The following CTNNA3 variants were observed in gnomAD, a reference collection of about 807,000 sequenced individuals.
CTNNA3 encodes the protein catenin alpha-3.
A neutral mutation model predicts 95.7 loss-of-function variants in CTNNA3; 76 were observed. The observed-to-expected ratio is 0.79, with a 90% CI of 0.66 to 0.96. The LOEUF is 0.96. Ranked by LOEUF, CTNNA3 falls within the 40% of genes least tolerant of loss-of-function variation. The probability of loss-of-function intolerance (pLI) is 0.00; values close to 1 mark genes in which losing one functional copy is unlikely to be tolerated. For missense variants in CTNNA3, 1,191 were observed against 1,089.8 expected (o/e 1.09, Z -1.31); for synonymous variants, 431 against 374.4 (o/e 1.15, Z -1.74).
intron 15 of CTNNA3, among the ~76,000 whole-genome samples, chr10:66,038,618 A>T (rs2079616608): frequency 6.6e-6 from 1 of 152,240 alleles, no homozygotes; most frequent in Non-Finnish European, 1.5e-5. Flanking sequence ...CATAAGAATT[A>T]AATTAAGTAA....
chr10:67,731,800 C>CAAA (rs199645393), intron 1 of CTNNA3, among the ~76,000 whole-genome samples: 9 of 103,564 alleles, frequency 8.7e-5, no homozygotes, highest in South Asian at 6.4e-4. Context: ...GACTCCGTCT[C>CAAA]AAAAAAAAAA....
chr10:67,044,300 T>C (rs922684222), intron 7 of CTNNA3, among the ~76,000 whole-genome samples: 1 of 152,120 alleles, frequency 6.6e-6, no homozygotes, highest in Non-Finnish European at 1.5e-5. Context: ...ATTTAACAAT[T>C]TAACGAGGGG....
chr10:66,496,610 G>C (rs1011911258), intron 11 of CTNNA3, among the ~76,000 whole-genome samples: 1 of 152,144 alleles, frequency 6.6e-6, no homozygotes, highest in Non-Finnish European at 1.5e-5. Flanking sequence ...TAGCATGGTT[G>C]CTATTTATTT....
intron 7 of CTNNA3, among the ~76,000 whole-genome samples, chr10:67,129,212 T>G (rs1161050262): frequency 6.6e-6 from 1 of 152,156 alleles, no homozygotes; most frequent in Non-Finnish European, 1.5e-5. Flanking sequence ...ATAAAAAATT[T>G]TCAGATTTTT....
At chr10:67,047,947 C>T (rs889329928) in intron 7 of CTNNA3, among the ~76,000 whole-genome samples, 3 of 152,000 alleles carry the variant, frequency 2.0e-5, no homozygotes, top group African/African-American at 7.2e-5. Context: ...AGCAGATAAG[C>T]TTTCTGAAGT....
intron 1 of CTNNA3, among the ~76,000 whole-genome samples, chr10:67,689,820 C>A (rs528287759): frequency 6.6e-6 from 1 of 152,102 alleles, no homozygotes; most frequent in East Asian, 1.9e-4. Flanking sequence ...TTTAGTCCAG[C>A]GGCCGCGCTA....
intron 13 of CTNNA3, among the ~76,000 whole-genome samples, chr10:66,202,014 T>G: frequency 6.6e-6 from 1 of 152,106 alleles, no homozygotes; most frequent in East Asian, 1.9e-4. Context: ...CTTGAACTCC[T>G]GACCTCAGGT....
chr10:66,428,782 A>C (rs1173160830), intron 11 of CTNNA3, among the ~76,000 whole-genome samples: 1 of 152,116 alleles, frequency 6.6e-6, no homozygotes, highest in Non-Finnish European at 1.5e-5. Flanking sequence ...ATAGCACTAA[A>C]TGCCCACAAG....
intron 9 of CTNNA3, among the ~76,000 whole-genome samples, chr10:66,746,290 G>C (rs1156585572): frequency 6.6e-6 from 1 of 151,960 alleles, no homozygotes; most frequent in Admixed American, 6.6e-5. Flanking sequence ...AGGTATAATA[G>C]AAAACAAAAG....
At chr10:67,530,080 G>A (rs1840280309) in intron 4 of CTNNA3, among the ~76,000 whole-genome samples, 1 of 152,184 alleles carries the variant, frequency 6.6e-6, no homozygotes, top group African/African-American at 2.4e-5. Context: ...TCCCCAGCAA[G>A]GTGGAACTGT....
At chr10:66,855,456 C>T (rs1843653678) in intron 7 of CTNNA3, among the ~76,000 whole-genome samples, 2 of 151,896 alleles carry the variant, frequency 1.3e-5, no homozygotes, top group Admixed American at 1.3e-4. Flanking sequence ...ATGATCATAA[C>T]TTGAGTTATT....
intron 6 of CTNNA3, among the ~76,000 whole-genome samples, chr10:67,217,469 A>T (rs184000601): frequency 1.1e-4 from 17 of 152,292 alleles, no homozygotes; most frequent in Admixed American, 7.8e-4. Context: ...CCTCATTAGG[A>T]TCTCAGAGAA....
chr10:66,934,215 C>T (rs2132652941), intron 7 of CTNNA3, among the ~76,000 whole-genome samples: 1 of 152,200 alleles, frequency 6.6e-6, no homozygotes, highest in Non-Finnish European at 1.5e-5. Flanking sequence ...CTTATCCTTT[C>T]CAGCAAATGT....
intron 9 of CTNNA3, among the ~76,000 whole-genome samples, chr10:66,748,182 C>T (rs530601012): frequency 6.9e-4 from 105 of 152,230 alleles, no homozygotes; most frequent in African/African-American, 2.5e-3. Context: ...TTACAAAAAA[C>T]GTTCGAATCT....
intron 15 of CTNNA3, among the ~76,000 whole-genome samples, chr10:66,018,404 C>T (rs545093447): frequency 3.3e-5 from 5 of 152,100 alleles, no homozygotes; most frequent in African/African-American, 1.2e-4. Flanking sequence ...AATGTGAAAG[C>T]ATTGTAAATT....
chr10:67,052,556 G>C (rs1163419137), intron 7 of CTNNA3: 4 of 152,134 alleles, frequency 2.6e-5, no homozygotes, highest in Non-Finnish European at 4.4e-5. Context: ...ATAAACATTT[G>C]TATTTCTTAT....
At chr10:67,351,663 A>G (rs1026580234) in intron 5 of CTNNA3, among the ~76,000 whole-genome samples, 3 of 152,020 alleles carry the variant, frequency 2.0e-5, no homozygotes, top group African/African-American at 7.2e-5. Context: ...GAGTAAATTA[A>G]TGCAAAGTTA....
intron 6 of CTNNA3, among the ~76,000 whole-genome samples, chr10:67,185,808 T>C (rs1862814106): frequency 1.3e-5 from 2 of 151,882 alleles, no homozygotes; most frequent in African/African-American, 4.8e-5. Flanking sequence ...GATCACAAGG[T>C]TAGGAGTTCA....
chr10:67,474,660 T>C (rs1303180425), intron 5 of CTNNA3, among the ~76,000 whole-genome samples: 1 of 152,092 alleles, frequency 6.6e-6, no homozygotes, highest in Admixed American at 6.5e-5. Context: ...AATAAGCACA[T>C]GAAAAGATTA....
Sources: allele counts gnomAD v4.1 joint callset (sites outside exome capture counted in the v4.1 genomes callset), GRCh38; gene constraint gnomAD v4.1.1; transcripts MANE v1.5; gene names NCBI Gene and HGNC (gene_info 2026-07-23, HGNC 2026-07-21).